The following SLC27A1 variants were observed in gnomAD, a reference collection of about 807,000 sequenced individuals.
SLC27A1 encodes the protein long-chain fatty acid transport protein 1.
Under a neutral mutation model 62.2 loss-of-function variants are expected in SLC27A1, and 61 were observed. That is an observed-to-expected ratio of 0.98 (90% CI 0.80 to 1.21). SLC27A1 has a LOEUF of 1.21. Among genes scored for constraint, SLC27A1 ranks in the 50% most tolerant of loss-of-function variants. The pLI, the probability that SLC27A1 is intolerant of heterozygous loss-of-function variation, is 0.00. For missense variants in SLC27A1, 903 were observed against 932.1 expected (o/e 0.97, Z 0.41); for synonymous variants, 435 against 408.6 (o/e 1.06, Z -0.78).
Position 17,486,531 on chromosome 19 carries a change from A to G in SLC27A1, c.168-32A>G. The G allele has an allele frequency of 6.5e-7, 1 of 1,538,918 alleles. No individual in the cohort carries two copies. On this transcript the variant is annotated intron_variant, in intron 1 of 11. Transcript: ENST00000252595. This position sits in a 1 kb window ranked among gnomAD's most constrained non-coding sequence, Gnocchi z 6.6. ...CAGAGGCCAGGCGGGGCAGGGCACC[A>G]GTGACGCTGTCCCCTCCGTCCTCCC...
chr19:17,491,167 CT>C (rs1429979709), intron 6 of SLC27A1: 2 of 151,792 alleles, frequency 1.3e-5, no homozygotes, highest in Non-Finnish European at 2.9e-5. Flanking sequence ...GGCCACTGCA[CT>C]CCAGTCTGGG....
Position 17,487,255 on chromosome 19 carries a change from C to T in SLC27A1, c.644C>T (p.Pro215Leu), listed in dbSNP as rs754160792. The T allele has an allele frequency of 8.1e-6, 13 of 1,613,874 alleles. No homozygotes were observed. Among genetic ancestry groups the T allele is most frequent in the African/African-American group, 1.3e-5 (1 of 74,880 alleles). ...GACTTGGGGCCCGAGGGCATCTTGC[C>T]GGACACCCACCTCCTGGACCCGCTG... ...SGDLGPEGIL[P>L]DTHLLDPLLK... is the part of the protein sequence containing the mutation. The change falls in exon 3 of 12, where the codon CCG becomes CTG. Residue 215 changes from proline to leucine, a missense_variant. Transcript: ENST00000252595.
chr19:17,474,427 G>C (rs1176914447), intron 1 of SLC27A1, among the ~76,000 whole-genome samples: 2 of 152,106 alleles, frequency 1.3e-5, no homozygotes, highest in East Asian at 3.9e-4. Context: ...GGTTCACCCA[G>C]GCCCATCTCT....
intron 1 of SLC27A1, among the ~76,000 whole-genome samples, chr19:17,485,313 C>T (rs576951724): frequency 3.3e-5 from 5 of 150,994 alleles, no homozygotes; most frequent in Admixed American, 1.3e-4. Context: ...CCTCAGCCTC[C>T]GGAGTAGCTG....
rs913352442 is a variant in SLC27A1 at position 17,486,261 on chromosome 19, G to T, written c.168-302G>T. Reference sequence around the variant, plus strand: ...GATGGTGTCAGGTGCTCCAGACGTCGCAGGGGACAGAAAGGAGGATGGGTT... The same window carrying T: ...GATGGTGTCAGGTGCTCCAGACGTCTCAGGGGACAGAAAGGAGGATGGGTT... On this transcript the variant is annotated intron_variant, in intron 1 of 11. Transcript: ENST00000252595. The surrounding 1 kb of genome is among the most constrained non-coding windows in gnomAD (Gnocchi z 6.6). Among the ~76,000 whole-genome samples the T allele has an allele frequency of 4.6e-5, 7 of 152,168 alleles. No individual in the cohort carries two copies. Among genetic ancestry groups the T allele is most frequent in the Non-Finnish European group, 8.8e-5 (6 of 68,006 alleles).
At position 17,491,905 on chromosome 19, in the gene SLC27A1, G is replaced by GAAAAA. The variant is rs1568419004; in HGVS notation, c.996+2792_996+2793insAAAAA. On this transcript the variant is annotated intron_variant, in intron 6 of 11. Transcript: ENST00000252595. ...ATAAAAAAAAGAAAAGAAAAGAAAAGAAAATATTTCATCTGTAGGTGCCTT... is the reference window on the plus strand; with the variant it reads ...ATAAAAAAAAGAAAAGAAAAGAAAAGAAAAAAAAATATTTCATCTGTAGGTGCCTT... 1.8e-3 allele frequency among the ~76,000 whole-genome samples: 279 copies of GAAAAA among 152,074 alleles called. 4 individuals carry two copies. The highest frequency in any genetic ancestry group is 6.5e-3 in the African/African-American group (268 of 41,474).
At chr19:17,470,483 C>T (rs1200007585), upstream of SLC27A1, 2 of 1,405,150 alleles carry the variant, frequency 1.4e-6, no homozygotes, top group South Asian at 1.4e-5. Context: ...TGGGGCGGAG[C>T]GGGTCGTGGG....
At chr19:17,477,313 C>G (rs570049484) in intron 1 of SLC27A1, among the ~76,000 whole-genome samples, 1 of 124,448 alleles carries the variant, frequency 8.0e-6, no homozygotes, top group African/African-American at 3.2e-5. Flanking sequence ...GTGGTGTGAT[C>G]TCAGCTCACT....
At chr19:17,498,068 T>G (rs1241146866) in intron 7 of SLC27A1, 2 of 155,008 alleles carry the variant, frequency 1.3e-5, no homozygotes, top group African/African-American at 4.8e-5. Context: ...ACCGTAATAA[T>G]GATCATAAAG....
intron 4 of SLC27A1, 110 bp from the exon 5 acceptor site, chr19:17,488,738 C>T: frequency 2.2e-6 from 2 of 905,532 alleles, no homozygotes; most frequent in South Asian, 1.5e-5. Context: ...TGAACTCATG[C>T]GAACTGGGCT....
chr19:17,471,803 C>T (rs926014862), intron 1 of SLC27A1, among the ~76,000 whole-genome samples: 7 of 152,168 alleles, frequency 4.6e-5, no homozygotes, highest in Non-Finnish European at 1.0e-4. Context: ...CTTGGTTGTT[C>T]TGATGTGGAA....
intron 7 of SLC27A1, chr19:17,499,916 T>TAAAAAA: frequency 1.3e-5 from 3 of 233,904 alleles, no homozygotes; most frequent in Admixed American, 1.0e-4. Flanking sequence ...GAAGCATTTC[T>TAAAAAA]GTTCATAGAA....
chr19:17,505,081 A>C lies in SLC27A1; in HGVS notation c.*469A>C, dbSNP rs2075463863. On this transcript the variant is annotated 3_prime_UTR_variant, in exon 12 of 12. Transcript: ENST00000252595. The stretch of plus-strand genomic sequence containing the variant: ...GCTAATTTTTATATTTTTAGTAGAG[A>C]CGGGGTTTCACCATGTTGGTCAGGT... 5.6e-6 allele frequency: 2 copies of C among 354,898 alleles called. No individual in the cohort carries two copies. The highest frequency in any genetic ancestry group is 5.5e-6 in the Non-Finnish European group (1 of 181,418). 22.0% of individuals were successfully genotyped at this position (354,898 alleles called of 1,614,324 possible).
chr19:17,489,208 C>T, intron 6 of SLC27A1, 91 bp downstream of exon 6: 2 of 1,051,184 alleles, frequency 1.9e-6, no homozygotes, highest in Non-Finnish European at 1.4e-6. Context: ...CCGGTGAGGC[C>T]CCGTACCTCC....
At chr19:17,493,986 C>G (rs2075321707) in intron 6 of SLC27A1, among the ~76,000 whole-genome samples, 1 of 151,152 alleles carries the variant, frequency 6.6e-6, no homozygotes, top group South Asian at 2.1e-4. Context: ...GTGGAGCCCC[C>G]AGGGTGGACA....
At chr19:17,496,255 A>C (rs2075348263) in intron 6 of SLC27A1, 3 of 152,164 alleles carry the variant, frequency 2.0e-5, no homozygotes, top group Admixed American at 6.6e-5. Context: ...ATCTCGTTCC[A>C]GTTCCTTACC....
intron 7 of SLC27A1, chr19:17,498,761 GTGAGTCATCTCCAA>G (rs1430503456): frequency 6.1e-6 from 1 of 164,322 alleles, no homozygotes; most frequent in Non-Finnish European, 1.3e-5. Context: ...GGTAAAGAGT[GTGAGTCATCTCCAA>G]TGATAGGTAA....
At chr19:17,482,650 C>CAAAAAAA in intron 1 of SLC27A1, among the ~76,000 whole-genome samples, 1 of 60,686 alleles carries the variant, frequency 1.6e-5, no homozygotes, top group South Asian at 6.3e-4. Flanking sequence ...GACTCTGTCT[C>CAAAAAAA]AAAAAAAAAA....
intron 6 of SLC27A1, chr19:17,491,030 CAAA>C: frequency 2.2e-5 from 2 of 89,658 alleles, no homozygotes; most frequent in African/African-American, 4.7e-5. Flanking sequence ...GACTCCATCT[CAAA>C]AAAAAAAAAA....
Sources: allele counts gnomAD v4.1 joint callset (sites outside exome capture counted in the v4.1 genomes callset), GRCh38; gene constraint gnomAD v4.1.1; non-coding constraint Gnocchi (gnomAD v3.1); transcripts MANE v1.5; gene names NCBI Gene and HGNC (gene_info 2026-07-23, HGNC 2026-07-21).